The following SUGCT variants were observed in gnomAD, a reference collection of about 807,000 sequenced individuals.
SUGCT encodes the protein succinyl-CoA:glutarate CoA-transferase.
A neutral mutation model predicts 55.0 loss-of-function variants in SUGCT; 41 were observed. The ratio of observed to expected loss-of-function variants is 0.74; its 90% confidence interval spans 0.58 to 0.97. The LOEUF (loss-of-function observed/expected upper bound fraction) is 0.97, where lower values mean the gene tolerates loss of function less well. Among genes scored for constraint, SUGCT ranks in the 50% least tolerant of loss-of-function variants. SUGCT has a pLI of 0.00. For missense variants in SUGCT, 568 were observed against 547.8 expected, an observed-to-expected ratio of 1.04 and a Z score of -0.37; for synonymous variants, 187 against 200.4, an observed-to-expected ratio of 0.93 and a Z score of 0.56.
chr7:40,821,956 A>G (rs1236756689), intron 13 of SUGCT, among the ~76,000 whole-genome samples: 1 of 152,104 alleles, frequency 6.6e-6, no homozygotes, highest in Non-Finnish European at 1.5e-5. Context: ...AGATTCTGGT[A>G]TGTTGTGTCT....
At chr7:40,168,050 C>A (rs549301767) in intron 1 of SUGCT, among the ~76,000 whole-genome samples, 3 of 152,330 alleles carry the variant, frequency 2.0e-5, no homozygotes, top group Admixed American at 6.5e-5. Context: ...TGACTTATTT[C>A]TTTACCTCCT....
At chr7:40,468,874 C>T (rs1223938746) in intron 11 of SUGCT, among the ~76,000 whole-genome samples, 1 of 152,158 alleles carries the variant, frequency 6.6e-6, no homozygotes, top group Admixed American at 6.5e-5. Flanking sequence ...ACAGAGGAAT[C>T]TTCCAAACAC....
intron 11 of SUGCT, among the ~76,000 whole-genome samples, chr7:40,466,235 C>T (rs1184628399): frequency 1.3e-5 from 2 of 152,058 alleles, no homozygotes; most frequent in Non-Finnish European, 2.9e-5. Flanking sequence ...AAGTTCAAAC[C>T]ATTTTACCTG....
chr7:40,509,640 A>G (rs1792814231), intron 12 of SUGCT, among the ~76,000 whole-genome samples: 1 of 152,136 alleles, frequency 6.6e-6, no homozygotes, highest in African/African-American at 2.4e-5. Context: ...AGCCAGAACT[A>G]AAAGGCTTCT....
At chr7:40,867,245 T>C in the SUGCT span, among the ~76,000 whole-genome samples, 1 of 149,506 alleles carries the variant, frequency 6.7e-6, no homozygotes, top group East Asian at 1.9e-4. Flanking sequence ...TCTCCGCATA[T>C]AATATATGAT....
At chr7:40,232,825 C>T (rs1282026374) in intron 6 of SUGCT, among the ~76,000 whole-genome samples, 1 of 152,090 alleles carries the variant, frequency 6.6e-6, no homozygotes, top group Non-Finnish European at 1.5e-5. Context: ...TCTGATTTTC[C>T]ATAACTTCCC....
At chr7:40,784,869 C>G (rs1422314207) in intron 13 of SUGCT, among the ~76,000 whole-genome samples, 1 of 152,148 alleles carries the variant, frequency 6.6e-6, no homozygotes, top group African/African-American at 2.4e-5. Context: ...ACTTTACCTA[C>G]TGTCTAAAAT....
intron 7 of SUGCT, among the ~76,000 whole-genome samples, chr7:40,249,698 T>C (rs1369663560): frequency 6.6e-6 from 1 of 152,136 alleles, no homozygotes; most frequent in East Asian, 1.9e-4. Context: ...TGCTTAAATA[T>C]ATCTGACCTT....
the SUGCT span, among the ~76,000 whole-genome samples, chr7:40,959,714 G>GA: frequency 7.1e-4 from 103 of 145,188 alleles, 1 homozygote; most frequent in Middle Eastern, 3.5e-3. Context: ...ACTGGGGTAG[G>GA]AAAAAAAAAA....
intron 12 of SUGCT, among the ~76,000 whole-genome samples, chr7:40,722,012 A>G (rs1295313192): frequency 6.6e-6 from 1 of 152,178 alleles, no homozygotes; most frequent in East Asian, 1.9e-4. Context: ...CAAAGGAAGA[A>G]AACCTATCCA....
At chr7:41,038,400 C>T in the SUGCT span, among the ~76,000 whole-genome samples, 3 of 152,202 alleles carry the variant, frequency 2.0e-5, no homozygotes, top group African/African-American at 7.2e-5. Context: ...GCTGAAAGCC[C>T]AAGGGAGGCT....
the SUGCT span, among the ~76,000 whole-genome samples, chr7:40,987,003 CA>C: frequency 5.3e-5 from 8 of 152,140 alleles, no homozygotes; most frequent in African/African-American, 1.4e-4. Context: ...TTCCTTTATT[CA>C]AAAAAATCTA....
At chr7:40,499,535 C>A (rs953845800) in intron 12 of SUGCT, 1 of 164,910 alleles carries the variant, frequency 6.1e-6, no homozygotes. Context: ...ATGTGACAGA[C>A]CTTTGCACAG....
the SUGCT span, among the ~76,000 whole-genome samples, chr7:40,893,380 C>T: frequency 6.6e-6 from 1 of 152,136 alleles, no homozygotes; most frequent in Non-Finnish European, 1.5e-5. Context: ...GAGCAGAATA[C>T]ATATTCTTTT....
intron 9 of SUGCT, among the ~76,000 whole-genome samples, chr7:40,436,887 C>A (rs1281324204): frequency 1.3e-5 from 2 of 151,906 alleles, no homozygotes; most frequent in Admixed American, 1.3e-4. Context: ...GCTGAAAAAT[C>A]AATATGGTCT....
chr7:40,954,654 T>A, the SUGCT span, among the ~76,000 whole-genome samples: 7 of 152,216 alleles, frequency 4.6e-5, no homozygotes, highest in Non-Finnish European at 1.0e-4. Context: ...AGATCCCATT[T>A]GTCAATTTTG....
At chr7:40,603,509 C>T (rs1798389834) in intron 12 of SUGCT, among the ~76,000 whole-genome samples, 1 of 152,118 alleles carries the variant, frequency 6.6e-6, no homozygotes, top group South Asian at 2.1e-4. Flanking sequence ...AATTAAGTTC[C>T]TGTATAATGA....
chr7:40,690,998 G>C (rs4050984), intron 12 of SUGCT, among the ~76,000 whole-genome samples: 140,500 of 152,298 alleles, frequency 0.92, 65,028 homozygotes, highest in East Asian at 1. Flanking sequence ...CCATCTGGAC[G>C]AAATATACTT....
chr7:40,663,485 A>ATGTGTGTGTGTGTGTG (rs59033010), intron 12 of SUGCT, among the ~76,000 whole-genome samples: 1 of 134,970 alleles, frequency 7.4e-6, no homozygotes, highest in Non-Finnish European at 1.6e-5. Context: ...TTTGTGGTGT[A>ATGTGTGTGTGTGTGTG]TGTGTGTGTG....
Sources: allele counts gnomAD v4.1 joint callset (sites outside exome capture counted in the v4.1 genomes callset), GRCh38; gene constraint gnomAD v4.1.1; transcripts MANE v1.5; gene names NCBI Gene and HGNC (gene_info 2026-07-23, HGNC 2026-07-21).